Variants in DLEU7 observed in about 807,000 individuals in gnomAD.
DLEU7 encodes the protein leukemia-associated protein 7.
Under a neutral mutation model 16.0 loss-of-function variants are expected in DLEU7, and 17 were observed. The ratio of observed to expected loss-of-function variants is 1.06; its 90% CI spans 0.73 to 1.59. DLEU7 has a LOEUF of 1.59. Among genes scored for constraint, DLEU7 ranks in the 40% most tolerant of loss-of-function variants. DLEU7 has a pLI of 0.00. For synonymous variants in DLEU7, 113 were observed against 139.8 expected (o/e 0.81, Z 1.35); for missense variants, 308 against 314.9 (o/e 0.98, Z 0.17).
At chr13:50,830,596 G>C (rs1877231080) in intron 1 of DLEU7, among the ~76,000 whole-genome samples, 1 of 152,138 alleles carries the variant, frequency 6.6e-6, no homozygotes, top group Non-Finnish European at 1.5e-5. Flanking sequence ...CAGAGTGCTG[G>C]GTTTTTATTG....
chr13:50,738,366 G>A (rs868221546), intron 1 of DLEU7, among the ~76,000 whole-genome samples: 7 of 152,114 alleles, frequency 4.6e-5, no homozygotes, highest in Non-Finnish European at 8.8e-5. Flanking sequence ...TATTTTTTGG[G>A]AGAGGAGTAT....
chr13:50,714,790 C>T (rs1873392469), intron 1 of DLEU7, among the ~76,000 whole-genome samples: 1 of 152,166 alleles, frequency 6.6e-6, no homozygotes, highest in Non-Finnish European at 1.5e-5. Flanking sequence ...GACCCCTAGG[C>T]TTTGGGGAAC....
At chr13:50,793,317 A>G (rs1876019611) in intron 1 of DLEU7, among the ~76,000 whole-genome samples, 1 of 152,102 alleles carries the variant, frequency 6.6e-6, no homozygotes, top group South Asian at 2.1e-4. Flanking sequence ...TACCATTGCT[A>G]TTGTGAATAG....
At chr13:50,720,526 C>G (rs755653949) in intron 1 of DLEU7, among the ~76,000 whole-genome samples, 15 of 152,258 alleles carry the variant, frequency 9.9e-5, no homozygotes, top group Admixed American at 2.0e-4. Context: ...AGACACCATC[C>G]CAGACTATTA....
rs1876963470 is a variant in DLEU7, at chr13:50,823,091, G to A, written c.*223C>T. The A allele has an allele frequency of 7.5e-7, 1 of 1,333,990 alleles. No homozygotes were observed. The highest frequency in any genetic ancestry group is 9.6e-7 in the Non-Finnish European group (1 of 1,040,306). 82.6% of individuals were successfully genotyped at this position (1,333,990 alleles called of 1,614,324 possible). A position where few individuals can be genotyped will look rare whatever the true frequency, so the allele number is the denominator to read the frequency against. Reference sequence around the variant, plus strand: ...TTTCAATCAGAAAGTCAGCAAATAGGTCAATATACTTAAAAATATGAACTA... The same window carrying A: ...TTTCAATCAGAAAGTCAGCAAATAGATCAATATACTTAAAAATATGAACTA... On this transcript the variant is annotated 3_prime_UTR_variant, in exon 2 of 2. Coordinates refer to ENST00000504404, the MANE Select transcript of DLEU7 (RefSeq NM_001306135.2).
intron 1 of DLEU7, among the ~76,000 whole-genome samples, chr13:50,763,348 G>A (rs1354777366): frequency 6.6e-6 from 1 of 152,150 alleles, no homozygotes; most frequent in African/African-American, 2.4e-5. Context: ...TGAACAGCAG[G>A]GCAGGAGAGC....
At chr13:50,753,819 C>G (rs2137737370) in intron 1 of DLEU7, among the ~76,000 whole-genome samples, 1 of 152,342 alleles carries the variant, frequency 6.6e-6, no homozygotes, top group Non-Finnish European at 1.5e-5. Context: ...GCAGAGGTGC[C>G]AAGAGCGAGC....
At chr13:50,835,923 G>A in intron 1 of DLEU7, among the ~76,000 whole-genome samples, 1 of 152,242 alleles carries the variant, frequency 6.6e-6, no homozygotes, top group East Asian at 1.9e-4. Flanking sequence ...GAATCTAGCA[G>A]TGTGAGTCCA....
At chr13:50,779,843 A>G (rs1240088591) in intron 1 of DLEU7, among the ~76,000 whole-genome samples, 2 of 152,174 alleles carry the variant, frequency 1.3e-5, no homozygotes, top group Admixed American at 1.3e-4. Context: ...TAAAATGCTA[A>G]TATGTTCTGA....
intron 1 of DLEU7, among the ~76,000 whole-genome samples, chr13:50,764,646 A>C (rs1029040948): frequency 6.6e-6 from 1 of 152,232 alleles, no homozygotes; most frequent in Non-Finnish European, 1.5e-5. Flanking sequence ...TTCATAGAAG[A>C]CTGAACAAAT....
intron 1 of DLEU7, among the ~76,000 whole-genome samples, chr13:50,767,935 A>G (rs936702183): frequency 1.3e-5 from 2 of 152,200 alleles, no homozygotes; most frequent in African/African-American, 4.8e-5. Flanking sequence ...CAGCAGTCCC[A>G]CGGGACAAAC....
At chr13:50,778,450 C>G (rs537410778) in intron 1 of DLEU7, among the ~76,000 whole-genome samples, 2 of 152,178 alleles carry the variant, frequency 1.3e-5, no homozygotes, top group Non-Finnish European at 2.9e-5. Context: ...GCTGCTTCCT[C>G]CTTCTTCTTT....
At chr13:50,778,244 C>T (rs1875559507) in intron 1 of DLEU7, among the ~76,000 whole-genome samples, 1 of 152,070 alleles carries the variant, frequency 6.6e-6, no homozygotes, top group Non-Finnish European at 1.5e-5. Flanking sequence ...ACAGTTTTAA[C>T]CATCATATCT....
At chr13:50,783,686 T>G (rs1272503168) in intron 1 of DLEU7, among the ~76,000 whole-genome samples, 3 of 152,118 alleles carry the variant, frequency 2.0e-5, no homozygotes, top group African/African-American at 4.8e-5. Flanking sequence ...CACAAACAGG[T>G]AGCAGGAATG....
chr13:50,822,671 A>G (rs919231034), downstream of DLEU7: 1 of 985,184 alleles, frequency 1.0e-6, no homozygotes, highest in Non-Finnish European at 1.2e-6. Flanking sequence ...GTATTTACAT[A>G]TCATACATGA....
chr13:50,843,865 A>G (rs1434457594), upstream of DLEU7: 2 of 546,884 alleles, frequency 3.7e-6, no homozygotes, highest in Non-Finnish European at 6.2e-6. The surrounding 1 kb of genome is among the most constrained non-coding windows in gnomAD (Gnocchi z 5.7). Flanking sequence ...TCTGACCCAA[A>G]GCTGCCTGAA....
intron 1 of DLEU7, among the ~76,000 whole-genome samples, chr13:50,713,721 A>G (rs2137699090): frequency 6.6e-6 from 1 of 152,294 alleles, no homozygotes; most frequent in East Asian, 1.9e-4. Context: ...GTAGGCATTC[A>G]GTTAATAGGT....
intron 1 of DLEU7, among the ~76,000 whole-genome samples, chr13:50,771,846 C>G (rs1047042365): frequency 1.3e-5 from 2 of 152,110 alleles, no homozygotes; most frequent in African/African-American, 4.8e-5. Context: ...ATTGATCTGT[C>G]TAATATTGAC....
intron 1 of DLEU7, among the ~76,000 whole-genome samples, chr13:50,789,887 A>G (rs1225295102): frequency 6.6e-6 from 1 of 151,622 alleles, no homozygotes; most frequent in Admixed American, 6.6e-5. Context: ...AAGTCTTTCC[A>G]CAAGTCTTTG....
Sources: allele counts gnomAD v4.1 joint callset (sites outside exome capture counted in the v4.1 genomes callset), GRCh38; gene constraint gnomAD v4.1.1; non-coding constraint Gnocchi (gnomAD v3.1); transcripts MANE v1.5; gene names NCBI Gene and HGNC (gene_info 2026-07-23, HGNC 2026-07-21).